The following WARS2 variants were observed in gnomAD, a reference collection of about 807,000 sequenced individuals.
WARS2 encodes tryptophanyl tRNA synthetase 2, mitochondrial.
Under a neutral mutation model 36.5 loss-of-function variants are expected in WARS2, and 28 were observed. The ratio of observed to expected loss-of-function variants is 0.77; its 90% confidence interval spans 0.57 to 1.05. The LOEUF is 1.05. WARS2 is among the 50% of genes least tolerant of loss of function. The pLI, the probability that WARS2 is intolerant of heterozygous loss-of-function variation, is 0.00. For missense variants in WARS2, 435 were observed against 456.8 expected (o/e 0.95, Z 0.44); for synonymous variants, 174 against 178.4 (o/e 0.98, Z 0.20).
intron 1 of WARS2, among the ~76,000 whole-genome samples, chr1:119,088,076 T>C (rs1252955652): frequency 2.0e-5 from 3 of 152,214 alleles, no homozygotes; most frequent in East Asian, 3.8e-4. Context: ...GATTCTGATG[T>C]ATGCTAAAGT....
intron 1 of WARS2, among the ~76,000 whole-genome samples, chr1:119,089,109 T>C (rs1327094731): frequency 6.6e-6 from 1 of 152,206 alleles, no homozygotes; most frequent in Non-Finnish European, 1.5e-5. Context: ...TGAGAGACAG[T>C]GTGAATTTCT....
In WARS2 at chr1:119,140,632, A is replaced by G. The variant is rs587620344; in HGVS notation, c.13T>C (p.Ser5Pro). The G allele has an allele frequency of 1.2e-5, 20 of 1,613,062 alleles. No homozygotes were observed. In the Admixed American group the frequency reaches 3.0e-4, roughly 24 times the overall value. Residue 5 changes from serine to proline, a missense_variant, in exon 1 of 6, where the codon TCA becomes CCA. By Grantham distance (74) the Ser-to-Pro change is moderately conservative. Coordinates refer to ENST00000235521, the MANE Select transcript of WARS2 (RefSeq NM_015836.4). MALH[S>P]MRKARERWSF... ...CAGCGCTCACGCGCTTTCCGCATTG[A>G]GTGCAGCGCCATCTTGAGAAGGGCG...
At chr1:119,060,118 G>A (rs1650255723) in intron 2 of WARS2, among the ~76,000 whole-genome samples, 1 of 152,136 alleles carries the variant, frequency 6.6e-6, no homozygotes, top group Non-Finnish European at 1.5e-5. Flanking sequence ...ACAATATTGA[G>A]TTTTCCAATC....
intron 1 of WARS2, chr1:119,126,427 A>G (rs1345419828): frequency 2.7e-6 from 1 of 364,374 alleles, no homozygotes; most frequent in Non-Finnish European, 5.0e-6. Flanking sequence ...ATCGTTACAA[A>G]TATTAATTGA....
At chr1:119,052,935 T>G (rs1649487675) in intron 2 of WARS2, among the ~76,000 whole-genome samples, 2 of 152,218 alleles carry the variant, frequency 1.3e-5, no homozygotes, top group African/African-American at 4.8e-5. Context: ...AAACATGCAA[T>G]GGCTCTTAAA....
In WARS2 at chr1:119,032,562, C is replaced by A; in HGVS notation, c.*349G>T. The A allele has an allele frequency of 3.8e-6, 1 of 262,316 alleles. No individual in the cohort carries two copies. 16.2% of individuals were successfully genotyped at this position (262,316 alleles called of 1,614,324 possible). On this transcript the variant is annotated 3_prime_UTR_variant, in exon 6 of 6. Transcript: ENST00000235521. ...AAGTAGATAACGTGTGCATCTGTTA[C>A]AGTAAGTACTCCAGAGAGAAGCACA... is the stretch of plus-strand genomic sequence containing the variant.
intron 1 of WARS2, among the ~76,000 whole-genome samples, chr1:119,122,392 A>G (rs1655382869): frequency 6.6e-6 from 1 of 152,208 alleles, no homozygotes; most frequent in African/African-American, 2.4e-5. Flanking sequence ...ATCAAAAAGT[A>G]ATAGATGTTG....
At chr1:119,133,464 T>A (rs769916626) in intron 1 of WARS2, among the ~76,000 whole-genome samples, 1 of 152,218 alleles carries the variant, frequency 6.6e-6, no homozygotes, top group African/African-American at 2.4e-5. Flanking sequence ...GCTAGCTGGG[T>A]TTACATTTTG....
chr1:119,085,875 G>A lies in WARS2; in HGVS notation c.91-9268C>T, dbSNP rs1652617552. 97 of 1,610,364 alleles carry A rather than the reference G, an allele frequency of 6.0e-5. 2 individuals are homozygous for A. The South Asian group carries it at 1.0e-3, about 17-fold the overall frequency. Reference sequence around the variant, plus strand: ...ACTGTCCTTGTACTCGGAGTGCCAGGACACCTTATCGGCCACCCCAAGCTG... The same window carrying A: ...ACTGTCCTTGTACTCGGAGTGCCAGAACACCTTATCGGCCACCCCAAGCTG... On this transcript the variant is annotated intron_variant, in intron 1 of 5. Coordinates refer to ENST00000235521, the MANE Select transcript of WARS2 (RefSeq NM_015836.4).
intron 1 of WARS2, chr1:119,085,530 G>A (rs1365428280): frequency 6.2e-7 from 1 of 1,606,738 alleles, no homozygotes; most frequent in African/African-American, 1.3e-5. Context: ...CAAACTTGGT[G>A]AGGGGGTACG....
At chr1:119,109,439 A>G (rs1018630652) in intron 1 of WARS2, among the ~76,000 whole-genome samples, 1 of 151,966 alleles carries the variant, frequency 6.6e-6, no homozygotes, top group Admixed American at 6.6e-5. Flanking sequence ...ATCATTAAGT[A>G]ATGTTTCTCT....
chr1:119,079,763 T>C (rs1652045907), intron 1 of WARS2, among the ~76,000 whole-genome samples: 1 of 152,136 alleles, frequency 6.6e-6, no homozygotes, highest in African/African-American at 2.4e-5. Flanking sequence ...AGTTCCATGG[T>C]CCAGAATTGT....
chr1:119,082,332 G>A (rs1288360639), intron 1 of WARS2: 2 of 985,220 alleles, frequency 2.0e-6, no homozygotes, highest in African/African-American at 1.7e-5. Context: ...TACACGTGCT[G>A]TACCTACCAT....
In WARS2 at chr1:119,077,157, T is replaced by C. The variant is rs587661697; in HGVS notation, c.91-550A>G. Among the ~76,000 whole-genome samples the C allele has an allele frequency of 1.8e-4, 12 of 64,918 alleles. No homozygotes were observed. The South Asian group carries it at 5.1e-3, about 28-fold the overall frequency. 42.6% of individuals were successfully genotyped at this position (64,918 alleles called of 152,430 possible). ...CGTCTCAAAAAAAAAAAGGAAAAGATCTGCATCCCCAAGAGCATGTGATCT... is the reference window on the plus strand; with the variant it reads ...CGTCTCAAAAAAAAAAAGGAAAAGACCTGCATCCCCAAGAGCATGTGATCT... On this transcript the variant is annotated intron_variant, in intron 1 of 5. Coordinates refer to ENST00000235521, the MANE Select transcript of WARS2 (RefSeq NM_015836.4).
chr1:119,111,986 G>C (rs587651065), intron 1 of WARS2, among the ~76,000 whole-genome samples: 8 of 151,828 alleles, frequency 5.3e-5, no homozygotes, highest in African/African-American at 1.4e-4. Flanking sequence ...GCAGTGGTGC[G>C]ATCTTGGCTC....
chr1:119,070,740 C>CATAA lies in WARS2; in HGVS notation c.348+5606_348+5609dup, dbSNP rs554646188. Among the ~76,000 whole-genome samples the CATAA allele has an allele frequency of 7.4e-3, 1,127 of 151,586 alleles. 6 individuals carry two copies. Among genetic ancestry groups the CATAA allele is most frequent in the Non-Finnish European group, 0.011 (748 of 67,874 alleles). Reference sequence around the variant, plus strand: ...CCTGGGTGACAGAGTGAGACCCTGTCATAAATAAATAAATAAATAAATAAA... The same window carrying CATAA: ...CCTGGGTGACAGAGTGAGACCCTGTCATAAATAAATAAATAAATAAATAAATAAA... On this transcript the variant is annotated intron_variant, in intron 2 of 5. Transcript: ENST00000235521.
chr1:119,102,429 C>G (rs1653942562), intron 1 of WARS2, among the ~76,000 whole-genome samples: 1 of 152,152 alleles, frequency 6.6e-6, no homozygotes, highest in African/African-American at 2.4e-5. Flanking sequence ...CATAGATAAC[C>G]ATCCTCTGTC....
At chr1:119,044,247 C>G (rs1477247341) in intron 3 of WARS2, among the ~76,000 whole-genome samples, 1 of 152,146 alleles carries the variant, frequency 6.6e-6, no homozygotes, top group Non-Finnish European at 1.5e-5. Context: ...CAATTATATA[C>G]TAATGGAAAG....
chr1:119,032,797 C>A lies in WARS2; in HGVS notation c.*114G>T. ...TTCATCAAATAAAGCCAATAATCAG[C>A]TATACCAAATTAAATGTCCCAAAAC... On this transcript the variant is annotated 3_prime_UTR_variant, in exon 6 of 6. Transcript: ENST00000235521. The A allele has an allele frequency of 1.0e-6, 1 of 968,660 alleles. No homozygotes were observed. The allele number at this position is 968,660 out of a possible 1,614,324, so 60.0% of individuals were successfully genotyped here.
Sources: gnomAD v4.1 joint callset for allele counts (sites outside exome capture counted in the v4.1 genomes callset) on GRCh38, gnomAD v4.1.1 for gene constraint, MANE v1.5 for transcripts, NCBI Gene and HGNC (gene_info 2026-07-23, HGNC 2026-07-21) for gene names.